ABHD18: variants seen among roughly 807,000 people sequenced by gnomAD.
ABHD18 encodes the protein cardiolipin-specific deacylase, mitochondrial.
Under a neutral mutation model 65.9 loss-of-function variants are expected in ABHD18, and 55 were observed. The observed-to-expected ratio is 0.84, with a 90% CI of 0.67 to 1.05. The LOEUF (loss-of-function observed/expected upper bound fraction) is 1.05. ABHD18 is among the 50% of genes least tolerant of loss of function. The pLI is 0.00. For missense variants in ABHD18, 533 were observed against 558.5 expected (o/e 0.95, Z 0.46); for synonymous variants, 181 against 180.2 (o/e 1.00, Z -0.04).
chr4:127,976,909 C>T (rs1276664295), intron 1 of ABHD18, among the ~76,000 whole-genome samples: 4 of 151,998 alleles, frequency 2.6e-5, no homozygotes, highest in East Asian at 1.9e-4. Flanking sequence ...GCCGTGGTGG[C>T]GGGCACCTAT....
rs59549849 is a variant in ABHD18 at position 128,023,403 on chromosome 4, CAAAAAAAAAAAA to C, written c.801+2185_801+2196del. On this transcript the variant is annotated intron_variant, in intron 10 of 12. Transcript: ENST00000645843. ...AAATAAAGTGAGACTCTTGTCTCTA[CAAAAAAAAAAAA>C]AAAAAAAAAAAAAAAAAAAGCTGGG... is the stretch of plus-strand genomic sequence containing the variant. Among the ~76,000 whole-genome samples the C allele has an allele frequency of 3.8e-4, 17 of 44,964 alleles. No homozygotes were observed. In the South Asian group the frequency reaches 7.1e-3, roughly 19 times the overall value. The allele number at this position is 44,964 out of a possible 152,430, so 29.5% of individuals were successfully genotyped here.
rs1759182256 is a variant in ABHD18, at chr4:128,039,603, G to A, written c.*3790G>A. On this transcript the variant is annotated 3_prime_UTR_variant, in exon 13 of 13. Transcript: ENST00000645843. ...CTTCTTTGTATTTTTGTAATGTGGT[G>A]CTTTCTCTCATAAAGATAATTGAAT... The A allele has an allele frequency of 6.6e-6, 1 of 152,054 alleles. No individual in the cohort carries two copies. The highest frequency in any genetic ancestry group is 2.1e-4 in the South Asian group (1 of 4,830). 9.4% of individuals were successfully genotyped at this position (152,054 alleles called of 1,614,324 possible). A position where few individuals can be genotyped will look rare whatever the true frequency, so the allele number is the denominator to read the frequency against.
At chr4:127,992,893 T>C (rs772730704) in intron 4 of ABHD18, among the ~76,000 whole-genome samples, 24 of 152,026 alleles carry the variant, frequency 1.6e-4, no homozygotes, top group Non-Finnish European at 2.5e-4. Flanking sequence ...CTGAAAGCAT[T>C]AAGTCAGCCT....
At chr4:127,977,098 A>T (rs1052120019) in intron 1 of ABHD18, among the ~76,000 whole-genome samples, 2 of 152,164 alleles carry the variant, frequency 1.3e-5, no homozygotes, top group African/African-American at 4.8e-5. Flanking sequence ...TGTACCTTAA[A>T]ATCAATATTT....
chr4:127,976,759 T>C (rs915054840), intron 1 of ABHD18, among the ~76,000 whole-genome samples: 2 of 152,178 alleles, frequency 1.3e-5, no homozygotes, highest in African/African-American at 4.8e-5. Flanking sequence ...AAATATCCTT[T>C]AGCCAGGCGC....
In ABHD18 at chr4:127,966,702, CAAAAAAAAAAAAAAAAAAAAA is replaced by C. The variant is rs70966065; in HGVS notation, c.-18+1112_-18+1132del. Among the ~76,000 whole-genome samples the C allele has an allele frequency of 6.4e-3, 138 of 21,540 alleles. 1 individual carries two copies. The highest frequency in any genetic ancestry group is 0.056 in the Middle Eastern group (1 of 18). The allele number at this position is 21,540 out of a possible 152,430, so 14.1% of individuals were successfully genotyped here. ...TGAAACCCCGTCTCTACTAAAAATA[CAAAAAAAAAAAAAAAAAAAAA>C]AAAAAAAAAAAAAAAGCCGGGCGTG... On this transcript the variant is annotated intron_variant, in intron 1 of 12. Coordinates refer to ENST00000645843, the MANE Select transcript of ABHD18 (RefSeq NM_001358451.3).
chr4:127,978,158 CAA>C lies in ABHD18; in HGVS notation c.-17-4780_-17-4779del, dbSNP rs566613694. On this transcript the variant is annotated intron_variant, in intron 1 of 12. Transcript: ENST00000645843. ...AGAGCTATTTGAAAGAAATTTAAAA[CAA>C]TATAGATTTTAGAACTTAATCCAAG... Among the ~76,000 whole-genome samples, 467 of 152,078 alleles carry C rather than the reference CAA, an allele frequency of 3.1e-3. 4 individuals are homozygous for C. The highest frequency in any genetic ancestry group is 0.011 in the African/African-American group (441 of 41,526).
At chr4:128,000,883 G>A (rs114001446) in intron 4 of ABHD18, among the ~76,000 whole-genome samples, 3,991 of 152,060 alleles carry the variant, frequency 0.026, 157 homozygotes, top group African/African-American at 0.091. Flanking sequence ...GTTTCTGTGT[G>A]TGTGGTTGTG....
At chr4:128,032,173 T>C (rs1334460073) in intron 12 of ABHD18, among the ~76,000 whole-genome samples, 1 of 152,194 alleles carries the variant, frequency 6.6e-6, no homozygotes, top group Non-Finnish European at 1.5e-5. Flanking sequence ...ATGTTAACTA[T>C]TATCATGTGC....
At chr4:127,972,355 T>C (rs1746994892) in intron 1 of ABHD18, among the ~76,000 whole-genome samples, 1 of 152,020 alleles carries the variant, frequency 6.6e-6, no homozygotes. Flanking sequence ...TCTGTGGAGG[T>C]CAGAGGGTCC....
intron 12 of ABHD18, chr4:128,031,211 T>A: frequency 1.2e-6 from 1 of 866,728 alleles, no homozygotes; most frequent in Non-Finnish European, 1.4e-6. Context: ...TCCCAGCACT[T>A]TGGGAGGCGG....
intron 1 of ABHD18, among the ~76,000 whole-genome samples, chr4:127,975,493 G>C (rs949505094): frequency 5.9e-5 from 9 of 152,084 alleles, no homozygotes; most frequent in African/African-American, 2.2e-4. Context: ...TCCTTCCTTT[G>C]TATGACTGAA....
At chr4:128,006,220 A>AT (rs1216267549) in intron 4 of ABHD18, among the ~76,000 whole-genome samples, 2 of 152,214 alleles carry the variant, frequency 1.3e-5, no homozygotes, top group African/African-American at 4.8e-5. Context: ...TAAAGCTATT[A>AT]TCCAATAATG....
At chr4:128,005,021 G>A (rs902960687) in intron 4 of ABHD18, among the ~76,000 whole-genome samples, 1 of 152,116 alleles carries the variant, frequency 6.6e-6, no homozygotes, top group East Asian at 1.9e-4. Context: ...TTGAGGTCAG[G>A]GGTTCAAGAC....
chr4:127,994,541 C>G (rs955374487), intron 4 of ABHD18, among the ~76,000 whole-genome samples: 7 of 152,028 alleles, frequency 4.6e-5, no homozygotes, highest in African/African-American at 7.2e-5. Context: ...GAGCCGAGAT[C>G]GTGCCATTGC....
At chr4:127,970,589 CAAA>C (rs375709595) in intron 1 of ABHD18, among the ~76,000 whole-genome samples, 1 of 54,640 alleles carries the variant, frequency 1.8e-5, no homozygotes. Flanking sequence ...AACTCTGTCT[CAAA>C]AAAAAAAAAA....
At chr4:127,974,927 T>A (rs1237899108) in intron 1 of ABHD18, among the ~76,000 whole-genome samples, 1 of 133,018 alleles carries the variant, frequency 7.5e-6, no homozygotes, top group Non-Finnish European at 1.5e-5. Flanking sequence ...ACCCAGGAGG[T>A]GGAGGTTGCA....
At chr4:127,982,733 C>G (rs1194693864) in intron 1 of ABHD18, among the ~76,000 whole-genome samples, 2 of 152,156 alleles carry the variant, frequency 1.3e-5, no homozygotes, top group Non-Finnish European at 2.9e-5. Flanking sequence ...GAGAAATTCA[C>G]AGTTCAGTGA....
intron 1 of ABHD18, among the ~76,000 whole-genome samples, chr4:127,966,417 T>A (rs867506414): frequency 3.9e-5 from 6 of 152,196 alleles, no homozygotes; most frequent in South Asian, 4.1e-4. Context: ...TTAATTTTTT[T>A]AAATTAATAT....
Sources: allele counts gnomAD v4.1 joint callset (sites outside exome capture counted in the v4.1 genomes callset), GRCh38; gene constraint gnomAD v4.1.1; transcripts MANE v1.5; gene names NCBI Gene and HGNC (gene_info 2026-07-23, HGNC 2026-07-21).